The following IKZF1 variants were observed in gnomAD, a reference collection of about 807,000 sequenced individuals.
The protein encoded by IKZF1 is DNA-binding protein Ikaros.
Under a neutral mutation model 51.7 loss-of-function variants are expected in IKZF1, and 10 were observed. The observed-to-expected ratio is 0.19, with a 90% confidence interval of 0.12 to 0.33. IKZF1 has a LOEUF of 0.33. Ranked by LOEUF, IKZF1 falls within the 10% of genes least tolerant of loss-of-function variation. The pLI is 1.00. For missense variants in IKZF1, 484 were observed against 707.5 expected, an observed-to-expected ratio of 0.68 and a Z score of 3.58; for synonymous variants, 280 against 282.3, an observed-to-expected ratio of 0.99 and a Z score of 0.08.
chr7:50,354,740 A>G (rs1470663388), intron 3 of IKZF1, among the ~76,000 whole-genome samples: 1 of 152,058 alleles, frequency 6.6e-6, no homozygotes, highest in Non-Finnish European at 1.5e-5. Context: ...TAACCAACCC[A>G]TACCGTTGGT....
In IKZF1 at chr7:50,304,864, A is replaced by C. The variant is rs1265167583; in HGVS notation, c.-73A>C. 6.6e-6 allele frequency: 1 copy of C among 152,594 alleles called. No homozygotes were observed. The highest frequency in any genetic ancestry group is 2.4e-5 in the African/African-American group (1 of 41,422). The allele number at this position is 152,594 out of a possible 1,614,324, so 9.5% of individuals were successfully genotyped here. A position where few individuals can be genotyped will look rare whatever the true frequency, so the allele number is the denominator to read the frequency against. The stretch of plus-strand genomic sequence containing the variant: ...CAGGGCAGAGGGAGCCCCGGCTCCG[A>C]GGTTGCTCTTCGCACCCGAGGATCA... On this transcript the variant is annotated 5_prime_UTR_variant, in exon 1 of 8. Transcript: ENST00000331340.
At chr7:50,377,541 G>A (rs551875901) in intron 4 of IKZF1, among the ~76,000 whole-genome samples, 25 of 152,346 alleles carry the variant, frequency 1.6e-4, no homozygotes, top group East Asian at 9.6e-4. Flanking sequence ...CACCAGAGGC[G>A]TGGGAACACG....
chr7:50,379,748 T>C (rs1811325733), intron 4 of IKZF1, among the ~76,000 whole-genome samples: 1 of 152,230 alleles, frequency 6.6e-6, no homozygotes, highest in African/African-American at 2.4e-5. Context: ...CCAGGTATGA[T>C]TGCAGTAGAC....
chr7:50,347,524 C>T (rs1800686464), intron 3 of IKZF1, among the ~76,000 whole-genome samples: 1 of 152,206 alleles, frequency 6.6e-6, no homozygotes, highest in Admixed American at 6.5e-5. Flanking sequence ...AAAAATCCCA[C>T]AATGCACCTG....
chr7:50,403,055 G>C lies in IKZF1; in HGVS notation c.*2428G>C, dbSNP rs977195038. ...TGGAATTCAAACAAAGCTCAAACCA[G>C]AACTGTAAATAGTGATTGCAGGAAT... is the stretch of plus-strand genomic sequence containing the variant. On this transcript the variant is annotated 3_prime_UTR_variant, in exon 8 of 8. Transcript: ENST00000331340. 4.4e-5 allele frequency: 10 copies of C among 225,110 alleles called. No homozygotes were observed. Among genetic ancestry groups the C allele is most frequent in the Non-Finnish European group, 7.1e-5 (8 of 113,024 alleles). The allele number at this position is 225,110 out of a possible 1,614,324, so 13.9% of individuals were successfully genotyped here. A position where few individuals can be genotyped will look rare whatever the true frequency, so the allele number is the denominator to read the frequency against.
chr7:50,316,509 A>G (rs1256089512), intron 1 of IKZF1, among the ~76,000 whole-genome samples: 1 of 152,224 alleles, frequency 6.6e-6, no homozygotes, highest in Non-Finnish European at 1.5e-5. Flanking sequence ...TTGGCTGCTG[A>G]CAATAGACGC....
chr7:50,340,351 C>T (rs1389887531), intron 3 of IKZF1, among the ~76,000 whole-genome samples: 1 of 152,224 alleles, frequency 6.6e-6, no homozygotes, highest in African/African-American at 2.4e-5. Flanking sequence ...GGGGATGTGG[C>T]TGCAGGCTGT....
chr7:50,399,060 G>A (rs1817430436), intron 7 of IKZF1, among the ~76,000 whole-genome samples: 1 of 152,234 alleles, frequency 6.6e-6, no homozygotes, highest in South Asian at 2.1e-4. Context: ...TAGATCAGAA[G>A]TTTCTCAAGG....
intron 7 of IKZF1, among the ~76,000 whole-genome samples, chr7:50,395,351 G>A (rs1816415200): frequency 1.3e-5 from 2 of 152,098 alleles, no homozygotes; most frequent in Admixed American, 6.5e-5. Flanking sequence ...TAGAGAAGCG[G>A]CTTATTTTAA....
At chr7:50,319,569 A>C (rs1792571250) in intron 2 of IKZF1, among the ~76,000 whole-genome samples, 1 of 152,304 alleles carries the variant, frequency 6.6e-6, no homozygotes. Context: ...CTCATCCAGG[A>C]GACCCAGGAA....
Position 50,382,726 on chromosome 7 carries a change from G to T in IKZF1, c.589+19G>T. On this transcript the variant is annotated intron_variant, in intron 5 of 7. Coordinates refer to ENST00000331340, the MANE Select transcript of IKZF1 (RefSeq NM_006060.6). ...CACTCCGGTAGGTCCCCTGGATGCA[G>T]TCCGGGGCTGTCTGGGTGTCCCGGG... The T allele has an allele frequency of 6.3e-7, 1 of 1,592,720 alleles. No individual in the cohort carries two copies. The highest frequency in any genetic ancestry group is 2.2e-5 in the East Asian group (1 of 44,504).
chr7:50,367,066 C>T (rs1303807011), intron 3 of IKZF1, among the ~76,000 whole-genome samples: 1 of 152,214 alleles, frequency 6.6e-6, no homozygotes, highest in Admixed American at 6.5e-5. Flanking sequence ...GTCTCTCAAA[C>T]TATGTTTGCC....
chr7:50,344,789 T>G (rs577409602), intron 3 of IKZF1, among the ~76,000 whole-genome samples: 1 of 152,058 alleles, frequency 6.6e-6, no homozygotes, highest in Non-Finnish European at 1.5e-5. Context: ...TTTTAAGAGA[T>G]AGGCTATAGA....
chr7:50,364,909 G>A (rs191512110), intron 3 of IKZF1, among the ~76,000 whole-genome samples: 20 of 152,328 alleles, frequency 1.3e-4, no homozygotes, highest in Admixed American at 3.3e-4. Flanking sequence ...TGTAGCAGTC[G>A]CACTTGACCA....
intron 3 of IKZF1, among the ~76,000 whole-genome samples, chr7:50,333,966 T>C (rs1001238983): frequency 5.3e-5 from 8 of 152,208 alleles, no homozygotes; most frequent in Non-Finnish European, 1.0e-4. Context: ...ACATGAAATA[T>C]AGTATTACAA....
intron 3 of IKZF1, among the ~76,000 whole-genome samples, chr7:50,346,401 CA>C (rs1800373019): frequency 6.6e-6 from 1 of 152,220 alleles, no homozygotes; most frequent in South Asian, 2.1e-4. Context: ...CAGATGTCTG[CA>C]GTGTAACTAC....
chr7:50,401,948 A>G lies in IKZF1; in HGVS notation c.*1321A>G, dbSNP rs139287206. ...ATGGCTGGCTCTGCACCTGTAGGAT[A>G]TTGGAATGCACAGGGCAATTGAGGG... On this transcript the variant is annotated 3_prime_UTR_variant, in exon 8 of 8. Transcript: ENST00000331340. 4 of 225,908 alleles carry G rather than the reference A, an allele frequency of 1.8e-5. No homozygotes were observed. The highest frequency in any genetic ancestry group is 3.5e-5 in the Non-Finnish European group (4 of 113,372). 14.0% of individuals were successfully genotyped at this position (225,908 alleles called of 1,614,324 possible). A position where few individuals can be genotyped will look rare whatever the true frequency, so the allele number is the denominator to read the frequency against.
chr7:50,352,532 A>G (rs1052180317), intron 3 of IKZF1, among the ~76,000 whole-genome samples: 6 of 152,156 alleles, frequency 3.9e-5, no homozygotes, highest in Non-Finnish European at 7.3e-5. Flanking sequence ...ACCTATCATC[A>G]CTAGCTGATA....
At chr7:50,316,901 A>G (rs2153356162) in intron 1 of IKZF1, among the ~76,000 whole-genome samples, 1 of 152,334 alleles carries the variant, frequency 6.6e-6, no homozygotes, top group African/African-American at 2.4e-5. Context: ...ACAGTAGGGC[A>G]TTTGTTATAT....
Sources: allele counts gnomAD v4.1 joint callset (sites outside exome capture counted in the v4.1 genomes callset), GRCh38; gene constraint gnomAD v4.1.1; transcripts MANE v1.5; gene names NCBI Gene and HGNC (gene_info 2026-07-23, HGNC 2026-07-21).